Variants in ESR1 observed in about 807,000 individuals in gnomAD.
ESR1 encodes the protein estrogen receptor 1.
In ESR1, 12 loss-of-function variants were observed where a neutral mutation model predicts 52.7. The observed-to-expected ratio is 0.23, with a 90% CI of 0.15 to 0.37. The LOEUF (loss-of-function observed/expected upper bound fraction) is 0.37, where lower values mean the gene tolerates loss of function less well. ESR1 is among the 10% of genes least tolerant of loss of function. The pLI is 1.00. For synonymous variants in ESR1, 305 were observed against 316.8 expected (o/e 0.96, Z 0.39); for missense variants, 584 against 779.7 (o/e 0.75, Z 2.99).
chr6:151,736,792 G>A (rs998788219), intron 2 of ESR1, among the ~76,000 whole-genome samples: 1 of 152,086 alleles, frequency 6.6e-6, no homozygotes, highest in Admixed American at 6.6e-5. Flanking sequence ...TACAGTGACT[G>A]GGGCAGAGAG....
intron 1 of ESR1, among the ~76,000 whole-genome samples, chr6:151,681,217 A>T (rs1778446903): frequency 6.6e-6 from 1 of 152,136 alleles, no homozygotes; most frequent in Admixed American, 6.5e-5. Flanking sequence ...CATCCCTGTG[A>T]ATGATTCTTA....
intron 3 of ESR1, among the ~76,000 whole-genome samples, chr6:151,898,443 G>A (rs548180244): frequency 6.4e-5 from 9 of 140,100 alleles, no homozygotes; most frequent in East Asian, 4.2e-4. Context: ...GGTGTTTCTC[G>A]CAGAGGGGGA....
intron 1 of ESR1, among the ~76,000 whole-genome samples, chr6:151,831,314 AT>A (rs1782373928): frequency 6.6e-6 from 1 of 151,758 alleles, no homozygotes; most frequent in Admixed American, 6.6e-5. Context: ...TAATGTTTAA[AT>A]TTTTTGTAGA....
chr6:151,938,914 TACAAAA>T (rs2034699123), intron 3 of ESR1, among the ~76,000 whole-genome samples: 1 of 152,202 alleles, frequency 6.6e-6, no homozygotes, highest in South Asian at 2.1e-4. Flanking sequence ...CGATCCCTTA[TACAAAA>T]CAGGTGGGTC....
At chr6:152,054,563 A>T (rs1469035184) in intron 5 of ESR1, among the ~76,000 whole-genome samples, 1 of 151,954 alleles carries the variant, frequency 6.6e-6, no homozygotes, top group Non-Finnish European at 1.5e-5. Flanking sequence ...TGTTTACGTG[A>T]TCGTGTCACC....
chr6:151,975,187 G>A (rs2039322371), intron 4 of ESR1, among the ~76,000 whole-genome samples: 1 of 152,124 alleles, frequency 6.6e-6, no homozygotes, highest in Non-Finnish European at 1.5e-5. Context: ...CTGGCCACAT[G>A]TTAGTAGCTT....
At chr6:151,990,907 G>A (rs2040945816) in intron 4 of ESR1, among the ~76,000 whole-genome samples, 1 of 152,082 alleles carries the variant, frequency 6.6e-6, no homozygotes, top group African/African-American at 2.4e-5. Flanking sequence ...GAATAGATAA[G>A]ATTATCTATA....
rs71017521 is a variant in ESR1, at chr6:152,100,772, C to CAAAAA, written c.*1817_*1821dup. ...CCAAAGGACTGAGAATCTGGGAGGG[C>CAAAAA]AAAAAAAAAAAAAAAGTTTTTATGT... On this transcript the variant is annotated 3_prime_UTR_variant, in exon 8 of 8. Transcript: ENST00000206249. The CAAAAA allele has an allele frequency of 5.4e-6, 1 of 184,626 alleles. No homozygotes were observed. Among genetic ancestry groups the CAAAAA allele is most frequent in the Non-Finnish European group, 1.1e-5 (1 of 94,030 alleles). 11.4% of individuals were successfully genotyped at this position (184,626 alleles called of 1,614,324 possible). A position where few individuals can be genotyped will look rare whatever the true frequency, so the allele number is the denominator to read the frequency against.
intron 6 of ESR1, among the ~76,000 whole-genome samples, chr6:152,078,105 G>C (rs1281102298): frequency 6.6e-6 from 1 of 152,156 alleles, no homozygotes; most frequent in Admixed American, 6.5e-5. Context: ...TGTTGTGAGA[G>C]GGACCTGGTG....
intron 5 of ESR1, among the ~76,000 whole-genome samples, chr6:152,016,102 T>A (rs2043149621): frequency 6.6e-6 from 1 of 152,130 alleles, no homozygotes; most frequent in Non-Finnish European, 1.5e-5. Flanking sequence ...ATCTGATGAT[T>A]TTATAAATGG....
At chr6:151,833,839 G>T (rs558835264) in intron 1 of ESR1, among the ~76,000 whole-genome samples, 17 of 152,294 alleles carry the variant, frequency 1.1e-4, no homozygotes, top group African/African-American at 3.8e-4. Context: ...CACTGGGGAA[G>T]ACAGACAATA....
In ESR1 at chr6:152,094,643, G is replaced by C; in HGVS notation, c.1553+75G>C. 1.4e-6 allele frequency: 2 copies of C among 1,388,806 alleles called. No homozygotes were observed. The highest frequency in any genetic ancestry group is 2.0e-6 in the Non-Finnish European group (2 of 998,232). The allele number at this position is 1,388,806 out of a possible 1,614,324, so 86.0% of individuals were successfully genotyped here. ...CCCAAACCTATGTGACAGCTGGCCG[G>C]GAAGGACTGGTGCCTGCATATGGAG... is the stretch of plus-strand genomic sequence containing the variant. On this transcript the variant is annotated intron_variant, in intron 7 of 7. Coordinates refer to ENST00000206249, the MANE Select transcript of ESR1 (RefSeq NM_000125.4). This position sits in a 1 kb window ranked among gnomAD's most constrained non-coding sequence, Gnocchi z 4.6.
chr6:151,773,265 A>G (rs979857931), intron 2 of ESR1, among the ~76,000 whole-genome samples: 3 of 152,218 alleles, frequency 2.0e-5, no homozygotes, highest in African/African-American at 7.2e-5. Flanking sequence ...GCAAACCCCC[A>G]GAAGCTACAG....
At chr6:152,095,672 C>T (rs1036011783) in intron 7 of ESR1, among the ~76,000 whole-genome samples, 1 of 152,212 alleles carries the variant, frequency 6.6e-6, no homozygotes, top group Non-Finnish European at 1.5e-5. Flanking sequence ...ATGACTATTT[C>T]TGAGCAATAA....
intron 7 of ESR1, among the ~76,000 whole-genome samples, chr6:152,095,489 T>A (rs1309256905): frequency 1.3e-5 from 2 of 152,210 alleles, no homozygotes; most frequent in African/African-American, 4.8e-5. Context: ...ATCCTCCTTG[T>A]ACCCACATGT....
chr6:151,852,537 C>T lies in ESR1; in HGVS notation c.643+9750C>T, dbSNP rs571201514. 1.1e-4 allele frequency among the ~76,000 whole-genome samples: 16 copies of T among 151,730 alleles called. No individual in the cohort carries two copies. In the East Asian group the frequency reaches 2.9e-3, roughly 28 times the overall value. On this transcript the variant is annotated intron_variant, in intron 2 of 7. Transcript: ENST00000206249. ...TGCAGCTCTCTGGGAGCTTACAATT[C>T]AGAAAGAACATCCTGCTACCAGCAC...
At chr6:152,030,331 A>G (rs1476134585) in intron 5 of ESR1, among the ~76,000 whole-genome samples, 1 of 152,078 alleles carries the variant, frequency 6.6e-6, no homozygotes, top group Non-Finnish European at 1.5e-5. Flanking sequence ...CAATTAAAAG[A>G]CACAGACTGG....
chr6:151,960,141 G>A (rs559646975), intron 4 of ESR1, among the ~76,000 whole-genome samples: 185 of 152,254 alleles, frequency 1.2e-3, no homozygotes, highest in African/African-American at 4.1e-3. Context: ...CCATAGTCTG[G>A]TTGGAAATGG....
chr6:152,055,067 AT>A lies in ESR1; in HGVS notation c.1236-5915del, dbSNP rs914791705. Among the ~76,000 whole-genome samples, 88 of 150,844 alleles carry A rather than the reference AT, an allele frequency of 5.8e-4. 1 individual carries two copies. Among genetic ancestry groups the A allele is most frequent in the Admixed American group, 1.6e-3 (24 of 15,130 alleles). The stretch of plus-strand genomic sequence containing the variant: ...CCATTGTACATATATTCCATATTTT[AT>A]TTTTTTTTGCTCATCTGTTGATGGT... On this transcript the variant is annotated intron_variant, in intron 5 of 7. Coordinates refer to ENST00000206249, the MANE Select transcript of ESR1 (RefSeq NM_000125.4).
Sources: gnomAD v4.1 joint callset for allele counts (sites outside exome capture counted in the v4.1 genomes callset) on GRCh38, gnomAD v4.1.1 for gene constraint, Gnocchi (gnomAD v3.1) non-coding constraint, MANE v1.5 for transcripts, NCBI Gene and HGNC (gene_info 2026-07-23, HGNC 2026-07-21) for gene names.